Variants in NEK1 observed in about 807,000 individuals in gnomAD.
The protein encoded by NEK1 is serine/threonine-protein kinase Nek1.
NEK1 carries 137 observed loss-of-function variants against 182.1 expected under a neutral mutation model. That is an observed-to-expected ratio of 0.75 (90% confidence interval 0.65 to 0.87). The LOEUF is 0.87. Ranked by LOEUF, NEK1 falls within the 40% of genes least tolerant of loss-of-function variation. The pLI is 0.00. For missense variants in NEK1, 1,391 were observed against 1,494.4 expected (o/e 0.93, Z 1.14); for synonymous variants, 513 against 492.2 (o/e 1.04, Z -0.56).
chr4:169,601,323 A>G (rs1487561846), intron 4 of NEK1, among the ~76,000 whole-genome samples: 1 of 152,152 alleles, frequency 6.6e-6, no homozygotes, highest in African/African-American at 2.4e-5. Context: ...GTTTACAGAA[A>G]TTAAGTTACA....
In NEK1 at chr4:169,500,527, C is replaced by T. The variant is rs568758660; in HGVS notation, c.2007+6510G>A. On this transcript the variant is annotated intron_variant, in intron 23 of 35. Transcript: ENST00000507142. ...GCTGTACACTGGAGCTGTTCCTATT[C>T]GGCCATCTTGGCTCCTCCTCCAACA... 1.3e-4 allele frequency among the ~76,000 whole-genome samples: 20 copies of T among 152,250 alleles called. No individual in the cohort carries two copies. The South Asian group carries it at 3.3e-3, about 25-fold the overall frequency.
intron 26 of NEK1, among the ~76,000 whole-genome samples, chr4:169,467,733 A>C (rs1191395304): frequency 6.6e-6 from 1 of 152,072 alleles, no homozygotes; most frequent in Non-Finnish European, 1.5e-5. Context: ...ATTAAATGTA[A>C]ATGATCTAAA....
At chr4:169,466,003 GA>G (rs1172364946) in intron 26 of NEK1, among the ~76,000 whole-genome samples, 4 of 151,886 alleles carry the variant, frequency 2.6e-5, no homozygotes, top group Non-Finnish European at 4.4e-5. Flanking sequence ...AAAAAAGGAA[GA>G]AAAAAATCAA....
intron 18 of NEK1, among the ~76,000 whole-genome samples, chr4:169,547,789 G>A (rs559864043): frequency 5.3e-5 from 8 of 152,138 alleles, no homozygotes; most frequent in South Asian, 4.1e-4. Context: ...TATGCTTCAC[G>A]AAGTTCTCAT....
At chr4:169,476,706 C>T (rs1226916560) in intron 26 of NEK1, among the ~76,000 whole-genome samples, 3 of 151,954 alleles carry the variant, frequency 2.0e-5, no homozygotes, top group Admixed American at 6.6e-5. Flanking sequence ...TAATTATCAC[C>T]GAATATATAA....
chr4:169,546,891 T>C (rs755572640), intron 18 of NEK1, among the ~76,000 whole-genome samples: 3 of 152,254 alleles, frequency 2.0e-5, no homozygotes, highest in Non-Finnish European at 4.4e-5. Context: ...ATGGGTCTCC[T>C]GAATACAGCA....
chr4:169,444,173 C>T (rs541151324), intron 27 of NEK1, among the ~76,000 whole-genome samples: 10 of 151,918 alleles, frequency 6.6e-5, no homozygotes, highest in African/African-American at 2.4e-4. Context: ...AGAAAATAAC[C>T]AAACTGCAAT....
chr4:169,489,335 A>C (rs141274371), intron 23 of NEK1, among the ~76,000 whole-genome samples: 2 of 152,300 alleles, frequency 1.3e-5, no homozygotes, highest in East Asian at 3.9e-4. Flanking sequence ...TGGTGACATC[A>C]GCAGGATGGC....
At chr4:169,547,507 T>G (rs1190118048) in intron 18 of NEK1, among the ~76,000 whole-genome samples, 2 of 152,208 alleles carry the variant, frequency 1.3e-5, no homozygotes, top group Non-Finnish European at 2.9e-5. Flanking sequence ...TTCCTGAATT[T>G]GAATGCTGGC....
chr4:169,498,615 C>G (rs537007910), intron 23 of NEK1, among the ~76,000 whole-genome samples: 96 of 152,264 alleles, frequency 6.3e-4, no homozygotes, highest in African/African-American at 2.2e-3. Context: ...GACAAAATCT[C>G]TCAGCATTTG....
intron 33 of NEK1, 40 bp from the exon 34 acceptor site, chr4:169,400,691 A>C: frequency 6.8e-7 from 1 of 1,468,280 alleles, no homozygotes; most frequent in Non-Finnish European, 9.2e-7. Flanking sequence ...ATTTAAAAAG[A>C]CTGAATAACT....
rs371727818 is a variant in NEK1 at position 169,424,664 on chromosome 4, T to C, written c.3111A>G (p.Pro1037=). Reference sequence around the variant, plus strand: ...GAGATCGAAATGCAAAGGATTCTTCTGGTGAACACTGAACTGATTGAACTT... The same window carrying C: ...GAGATCGAAATGCAAAGGATTCTTCCGGTGAACACTGAACTGATTGAACTT... ...VPQVQSVQCS[P]EESFAFRSHS... is the part of the protein sequence containing the mutation. The change falls in exon 31 of 36, where the codon CCA becomes CCG. Residue 1037 remains proline (P), a synonymous_variant. Coordinates refer to ENST00000507142, the MANE Select transcript of NEK1 (RefSeq NM_001199397.3). 11 of 1,613,782 alleles carry C rather than the reference T, an allele frequency of 6.8e-6. No homozygotes were observed. The highest frequency in any genetic ancestry group is 1.1e-5 in the South Asian group (1 of 91,064).
At chr4:169,440,323 C>A (rs1276354262) in intron 27 of NEK1, among the ~76,000 whole-genome samples, 3 of 151,802 alleles carry the variant, frequency 2.0e-5, no homozygotes, top group Non-Finnish European at 4.4e-5. Context: ...AAATATATAC[C>A]ACACAAAAAT....
At chr4:169,463,997 C>A (rs1291004201) in intron 26 of NEK1, among the ~76,000 whole-genome samples, 1 of 152,084 alleles carries the variant, frequency 6.6e-6, no homozygotes, top group Non-Finnish European at 1.5e-5. Context: ...ATATTTTAAA[C>A]AATTTTGTGA....
At chr4:169,471,460 G>C (rs576232919) in intron 26 of NEK1, among the ~76,000 whole-genome samples, 1 of 152,174 alleles carries the variant, frequency 6.6e-6, no homozygotes, top group Non-Finnish European at 1.5e-5. Flanking sequence ...GGAGGCTGCA[G>C]AACAGCAAAT....
At chr4:169,467,252 T>C (rs1347801296) in intron 26 of NEK1, among the ~76,000 whole-genome samples, 2 of 152,120 alleles carry the variant, frequency 1.3e-5, no homozygotes, top group Non-Finnish European at 2.9e-5. Context: ...TAGTTAAATT[T>C]TGGGGGAGTT....
intron 12 of NEK1, among the ~76,000 whole-genome samples, chr4:169,571,175 T>TAAA (rs1404754952): frequency 1.9e-5 from 2 of 104,818 alleles, no homozygotes; most frequent in South Asian, 3.4e-4. Flanking sequence ...GAATGATCAA[T>TAAA]AAAAAAATAA....
rs142171440 is a variant in NEK1, at chr4:169,447,511, G to C, written c.2588-9252C>G. Among the ~76,000 whole-genome samples the C allele has an allele frequency of 3.8e-3, 576 of 152,288 alleles. 2 individuals are homozygous for C. Among genetic ancestry groups the C allele is most frequent in the African/African-American group, 0.013 (556 of 41,554 alleles). The stretch of plus-strand genomic sequence containing the variant: ...AATAGTAAGTATACAGAAAAACACA[G>C]AATATTAGAACACTGTAATTGTGGT... On this transcript the variant is annotated intron_variant, in intron 27 of 35. Coordinates refer to ENST00000507142, the MANE Select transcript of NEK1 (RefSeq NM_001199397.3).
At chr4:169,512,292 A>G (rs1043058635) in intron 19 of NEK1, among the ~76,000 whole-genome samples, 1 of 151,934 alleles carries the variant, frequency 6.6e-6, no homozygotes, top group Non-Finnish European at 1.5e-5. Context: ...TTTTATCACT[A>G]TTTTTTTATT....
Sources: allele counts gnomAD v4.1 joint callset (sites outside exome capture counted in the v4.1 genomes callset), GRCh38; gene constraint gnomAD v4.1.1; transcripts MANE v1.5; gene names NCBI Gene and HGNC (gene_info 2026-07-23, HGNC 2026-07-21).